Variants in MISFA observed in about 807,000 individuals in gnomAD.
The protein encoded by MISFA is mitochondrial sheath formation associated.
chr11:18,600,980 G>A, the MISFA span: 20 of 397,130 alleles, frequency 5.0e-5, no homozygotes, highest in Non-Finnish European at 8.4e-5. Flanking sequence ...GAAGGGGGAC[G>A]GTAGGGATTG....
the MISFA span, among the ~76,000 whole-genome samples, chr11:18,606,208 G>T: frequency 1.1e-4 from 16 of 152,160 alleles, no homozygotes; most frequent in African/African-American, 3.9e-4. Context: ...AAGCTGGTAG[G>T]GGGAGAGAAG....
the MISFA span, chr11:18,606,487 T>G: frequency 1.1e-5 from 2 of 186,190 alleles, no homozygotes. Flanking sequence ...TATATTCTCT[T>G]GCAGGTCAAC....
the MISFA span, among the ~76,000 whole-genome samples, chr11:18,600,659 T>C: frequency 1.3e-5 from 2 of 151,704 alleles, no homozygotes; most frequent in Non-Finnish European, 2.9e-5. Context: ...TAGCTGGGAC[T>C]ACAGGCTCCC....
the MISFA span, among the ~76,000 whole-genome samples, chr11:18,604,081 C>T: frequency 1.3e-5 from 2 of 151,892 alleles, no homozygotes; most frequent in Non-Finnish European, 2.9e-5. Context: ...CGCCTGCCAC[C>T]ACGCCTGGCT....
the MISFA span, among the ~76,000 whole-genome samples, chr11:18,600,512 CTT>C: frequency 4.8e-4 from 26 of 54,048 alleles, no homozygotes; most frequent in African/African-American, 1.6e-3. Flanking sequence ...TGGGGACATC[CTT>C]TTTTTTTTTT....
the MISFA span, among the ~76,000 whole-genome samples, chr11:18,600,176 G>A: frequency 6.6e-6 from 1 of 151,816 alleles, no homozygotes; most frequent in Non-Finnish European, 1.5e-5. Flanking sequence ...CATCCCACTA[G>A]GGACATCCTT....
chr11:18,607,784 T>C, the MISFA span: 2 of 152,154 alleles, frequency 1.3e-5, no homozygotes, highest in African/African-American at 4.8e-5. Context: ...ATTATAGAAA[T>C]GCACTCAGAA....
At chr11:18,603,265 G>T in the MISFA span, 1 of 398,546 alleles carries the variant, frequency 2.5e-6, no homozygotes, top group South Asian at 1.3e-4. Flanking sequence ...AACAAACTAA[G>T]TATGAAAATC....
the MISFA span, among the ~76,000 whole-genome samples, chr11:18,605,743 T>C: frequency 4.6e-5 from 7 of 152,228 alleles, no homozygotes; most frequent in Non-Finnish European, 8.8e-5. Context: ...CAGGATAGAG[T>C]GCAGTGGTGC....
chr11:18,606,703 C>T, the MISFA span: 8 of 404,330 alleles, frequency 2.0e-5, no homozygotes, highest in Non-Finnish European at 3.8e-5. Context: ...AACAACCAGT[C>T]TCTCTTCATA....
At chr11:18,603,762 T>C in the MISFA span, 1 of 398,912 alleles carries the variant, frequency 2.5e-6, no homozygotes, top group Non-Finnish European at 4.4e-6. Context: ...CTTTCTTTTT[T>C]CCCCCACAGA....
chr11:18,602,888 C>T, the MISFA span: 2 of 367,384 alleles, frequency 5.4e-6, no homozygotes, highest in South Asian at 1.5e-4. Context: ...CTCATGCTGA[C>T]TGGGTTGCCA....
chr11:18,603,917 CTTTTTTTTTTT>C, the MISFA span: 26 of 52,990 alleles, frequency 4.9e-4, no homozygotes, highest in East Asian at 3.9e-3. Context: ...AGTTACCGCA[CTTTTTTTTTTT>C]TTTTTTTTTT....
the MISFA span, among the ~76,000 whole-genome samples, chr11:18,600,891 A>G: frequency 5.0e-4 from 76 of 152,198 alleles, no homozygotes; most frequent in Admixed American, 3.1e-3. Context: ...TCAAAGCACT[A>G]TGGAATTTGC....
At chr11:18,606,897 G>C in the MISFA span, 1 of 339,546 alleles carries the variant, frequency 2.9e-6, no homozygotes, top group South Asian at 2.3e-5. Context: ...GTCTCGCTCT[G>C]TCACCCAGCC....
the MISFA span, chr11:18,609,498 C>T: frequency 1.5e-5 from 3 of 206,740 alleles, no homozygotes; most frequent in Admixed American, 1.1e-4. Context: ...AGAAGAATTA[C>T]AGAAATCAAG....
chr11:18,607,123 A>G, the MISFA span: 1 of 185,428 alleles, frequency 5.4e-6, no homozygotes, highest in Admixed American at 6.5e-5. Context: ...TCGGCCTCCC[A>G]AAGTGCTGGG....
the MISFA span, among the ~76,000 whole-genome samples, chr11:18,604,337 A>G: frequency 6.6e-6 from 1 of 152,126 alleles, no homozygotes; most frequent in Non-Finnish European, 1.5e-5. Flanking sequence ...TCCTTCTGCT[A>G]CATGGTCTCT....
At chr11:18,601,574 AT>A in the MISFA span, 177 of 365,914 alleles carry the variant, frequency 4.8e-4, no homozygotes, top group South Asian at 1.2e-3. Flanking sequence ...TGCCTGGCTA[AT>A]TTTTTTTTTA....
Sources: allele counts gnomAD v4.1 joint callset (sites outside exome capture counted in the v4.1 genomes callset), GRCh38; gene constraint gnomAD v4.1.1; transcripts MANE v1.5; gene names NCBI Gene and HGNC (gene_info 2026-07-23, HGNC 2026-07-21).